Variants in AGBL4 observed in about 807,000 individuals in gnomAD.
AGBL4 encodes the protein AGBL carboxypeptidase 4, also known as cytosolic carboxypeptidase 6.
In AGBL4, 58 loss-of-function variants were observed where a neutral mutation model predicts 66.4. The ratio of observed to expected loss-of-function variants is 0.87; its 90% CI spans 0.71 to 1.09. The LOEUF is 1.09. Ranked by LOEUF, AGBL4 falls within the 50% of genes least tolerant of loss-of-function variation. The probability of loss-of-function intolerance (pLI) is 0.00; values close to 1 mark genes in which losing one functional copy is unlikely to be tolerated. For missense variants in AGBL4, 579 were observed against 631.0 expected (o/e 0.92, Z 0.88); for synonymous variants, 234 against 222.9 (o/e 1.05, Z -0.44).
intron 11 of AGBL4, 109 bp from the exon 12 acceptor site, chr1:48,539,847 G>A: frequency 3.0e-6 from 2 of 662,966 alleles, no homozygotes; most frequent in Non-Finnish European, 4.5e-6. Context: ...CACACTCATT[G>A]TTCTAAGCTT....
At chr1:48,861,243 T>C (rs1344357223) in intron 6 of AGBL4, among the ~76,000 whole-genome samples, 1 of 152,092 alleles carries the variant, frequency 6.6e-6, no homozygotes. Context: ...TTATGAAAAA[T>C]CAATTAAGAA....
intron 1 of AGBL4, among the ~76,000 whole-genome samples, chr1:49,900,068 G>A (rs1012458923): frequency 6.6e-6 from 1 of 151,684 alleles, no homozygotes; most frequent in African/African-American, 2.4e-5. Context: ...TCAATAATTG[G>A]GTAGAAGGAA....
At chr1:49,330,627 C>T (rs1315011108) in intron 3 of AGBL4, among the ~76,000 whole-genome samples, 1 of 152,102 alleles carries the variant, frequency 6.6e-6, no homozygotes, top group Non-Finnish European at 1.5e-5. Context: ...TATGATCCTT[C>T]CTGAAAAGTT....
At chr1:49,535,857 A>G (rs1651535197) in intron 3 of AGBL4, among the ~76,000 whole-genome samples, 1 of 151,916 alleles carries the variant, frequency 6.6e-6, no homozygotes, top group Non-Finnish European at 1.5e-5. Context: ...ACACCCGGCT[A>G]ATTTTTTGTA....
At chr1:50,018,122 T>C (rs1168641750) in intron 1 of AGBL4, among the ~76,000 whole-genome samples, 2 of 152,152 alleles carry the variant, frequency 1.3e-5, no homozygotes, top group African/African-American at 2.4e-5. Flanking sequence ...GACAATCTTA[T>C]ATAAAAGTTT....
intron 4 of AGBL4, among the ~76,000 whole-genome samples, chr1:49,234,514 A>G (rs948420008): frequency 6.6e-6 from 1 of 152,254 alleles, no homozygotes; most frequent in African/African-American, 2.4e-5. Flanking sequence ...ATTGGTGTAC[A>G]GGATGTCTAC....
intron 4 of AGBL4, among the ~76,000 whole-genome samples, chr1:49,095,663 C>T (rs1292369499): frequency 6.6e-6 from 1 of 151,738 alleles, no homozygotes; most frequent in Non-Finnish European, 1.5e-5. Flanking sequence ...TGGATCCCTT[C>T]CTTACACCTT....
intron 3 of AGBL4, among the ~76,000 whole-genome samples, chr1:49,592,322 G>A (rs1450333445): frequency 1.3e-5 from 2 of 152,106 alleles, no homozygotes; most frequent in Admixed American, 6.5e-5. Context: ...TGTAATCCCT[G>A]CACTTTGAGA....
chr1:48,985,229 AG>A (rs1275238858), intron 5 of AGBL4, among the ~76,000 whole-genome samples: 1 of 152,126 alleles, frequency 6.6e-6, no homozygotes, highest in African/African-American at 2.4e-5. Context: ...GGGCACAGGG[AG>A]GGAAACCAAA....
rs548847978 is a variant in AGBL4 at position 50,008,168 on chromosome 1, A to G, written c.34+15595T>C. 1.3e-4 allele frequency among the ~76,000 whole-genome samples: 20 copies of G among 152,358 alleles called. No individual in the cohort carries two copies. In the South Asian group the frequency reaches 3.9e-3, roughly 30 times the overall value. On this transcript the variant is annotated intron_variant, in intron 1 of 13. Transcript: ENST00000371839. ...GCAATCTGCACTGTAGACCAAATGA[A>G]CCTAACAGATATTTACAGAACATTT...
intron 2 of AGBL4, among the ~76,000 whole-genome samples, chr1:49,717,087 T>G (rs1197786915): frequency 1.3e-5 from 2 of 152,164 alleles, no homozygotes; most frequent in East Asian, 3.9e-4. Flanking sequence ...AATCTCATGA[T>G]ACAAAATCAA....
chr1:49,604,982 T>G lies in AGBL4; in HGVS notation c.282+92331A>C, dbSNP rs1313574603. 1.3e-5 allele frequency among the ~76,000 whole-genome samples: 2 copies of G among 152,206 alleles called. 1 individual carries two copies. The highest frequency in any genetic ancestry group is 4.1e-4 in the South Asian group (2 of 4,834). On this transcript the variant is annotated intron_variant, in intron 3 of 13. Transcript: ENST00000371839. ...CAGGAATGATAACATCACTATTTATTGAGTACATATCTTATGCCAAGTACT... is the reference window on the plus strand; with the variant it reads ...CAGGAATGATAACATCACTATTTATGGAGTACATATCTTATGCCAAGTACT...
At chr1:49,169,854 A>G (rs1646701844) in intron 4 of AGBL4, among the ~76,000 whole-genome samples, 1 of 152,050 alleles carries the variant, frequency 6.6e-6, no homozygotes, top group Non-Finnish European at 1.5e-5. Flanking sequence ...ATAAAGACAA[A>G]CCCCATGCCT....
chr1:48,764,049 G>A (rs1183973591), intron 6 of AGBL4, among the ~76,000 whole-genome samples: 2 of 152,074 alleles, frequency 1.3e-5, no homozygotes, highest in African/African-American at 4.8e-5. Context: ...AACTGGCCCG[G>A]GGGACACAGA....
intron 3 of AGBL4, among the ~76,000 whole-genome samples, chr1:49,273,594 T>A (rs1418776272): frequency 6.6e-6 from 1 of 151,056 alleles, no homozygotes; most frequent in East Asian, 1.9e-4. Flanking sequence ...ATTAATAATA[T>A]AATATGAAGG....
At chr1:49,422,297 G>T (rs553703887) in intron 3 of AGBL4, among the ~76,000 whole-genome samples, 1 of 152,214 alleles carries the variant, frequency 6.6e-6, no homozygotes, top group African/African-American at 2.4e-5. Context: ...AGGAATAAAA[G>T]TGCATCAAAC....
At chr1:48,978,269 G>A (rs1304149960) in intron 5 of AGBL4, among the ~76,000 whole-genome samples, 1 of 152,162 alleles carries the variant, frequency 6.6e-6, no homozygotes, top group African/African-American at 2.4e-5. Flanking sequence ...TTTTCACTCT[G>A]CTGTGTGATA....
intron 6 of AGBL4, among the ~76,000 whole-genome samples, chr1:48,791,009 C>G (rs1367113332): frequency 1.3e-5 from 2 of 152,166 alleles, no homozygotes; most frequent in African/African-American, 4.8e-5. Flanking sequence ...AAGCCCTCAC[C>G]AGATGTAGCC....
chr1:48,807,135 G>A (rs920301552), intron 6 of AGBL4, among the ~76,000 whole-genome samples: 1 of 152,074 alleles, frequency 6.6e-6, no homozygotes, highest in Non-Finnish European at 1.5e-5. Flanking sequence ...AACCAACCCC[G>A]CACTCCCAGG....
Sources: gnomAD v4.1 joint callset for allele counts (sites outside exome capture counted in the v4.1 genomes callset) on GRCh38, gnomAD v4.1.1 for gene constraint, MANE v1.5 for transcripts, NCBI Gene and HGNC (gene_info 2026-07-23, HGNC 2026-07-21) for gene names.